Variants in PTBP1 observed in about 807,000 individuals in gnomAD.
The protein encoded by PTBP1 is polypyrimidine tract-binding protein 1.
In PTBP1, 8 loss-of-function variants were observed where a neutral mutation model predicts 59.8. That is an observed-to-expected ratio of 0.13 (90% confidence interval 0.08 to 0.24). The LOEUF (loss-of-function observed/expected upper bound fraction) is 0.24, where lower values mean the gene tolerates loss of function less well. Among genes scored for constraint, PTBP1 ranks in the 10% least tolerant of loss-of-function variants. The probability of loss-of-function intolerance (pLI) is 1.00; values close to 1 mark genes in which losing one functional copy is unlikely to be tolerated. For synonymous variants in PTBP1, 490 were observed against 320.7 expected, an observed-to-expected ratio of 1.53 and a Z score of -5.64; for missense variants, 686 against 767.0, an observed-to-expected ratio of 0.89 and a Z score of 1.25.
chr19:803,585 A>G lies in PTBP1; in HGVS notation c.64A>G (p.Thr22Ala), dbSNP rs2034431954. ...TKRGSDELFS[T>A]CVTNGPFIMS... ...GCGGGGATCTGACGAGCTTTTCTCT[A>G]CTTGTGTCACTAACGGACCGTTTAT... Residue 22 changes from threonine (T) to alanine (A), a missense_variant, in exon 3 of 15, where the codon ACT becomes GCT. Thr to Ala is a moderately conservative substitution (Grantham distance 58). Transcript: ENST00000356948. 4 of 1,614,006 alleles carry G rather than the reference A, an allele frequency of 2.5e-6. No individual in the cohort carries two copies. The highest frequency in any genetic ancestry group is 1.6e-4 in the Middle Eastern group (1 of 6,062).
Position 806,524 on chromosome 19 carries a change from T to G in PTBP1, c.1087T>G (p.Ser363Ala). The G allele has an allele frequency of 6.4e-7, 1 of 1,556,232 alleles. No homozygotes were observed. The highest frequency in any genetic ancestry group is 8.7e-7 in the Non-Finnish European group (1 of 1,153,672). ...CCCGGGCCTGGCGGGGGCAGGAAAT[T>G]CTGTATTGCTGGTCAGCAACCTCAA... ...AIPGLAGAGN[S>A]VLLVSNLNPE... Residue 363 changes from serine (S) to alanine (A), a missense_variant, in exon 10 of 15, where the codon TCT becomes GCT. Ser to Ala is a moderately conservative substitution (Grantham distance 99). Transcript: ENST00000356948.
chr19:803,978 C>G, intron 3 of PTBP1, 58 bp from the exon 4 acceptor site: 1 of 1,599,976 alleles, frequency 6.3e-7, no homozygotes, highest in South Asian at 1.1e-5. Context: ...ATAGCAGGGA[C>G]CTTCCTCTGT....
Position 811,076 on chromosome 19 carries a change from C to G in PTBP1, c.*250C>G, listed in dbSNP as rs1345800315. 3 of 407,162 alleles carry G rather than the reference C, an allele frequency of 7.4e-6. No homozygotes were observed. Among genetic ancestry groups the G allele is most frequent in the Admixed American group, 4.7e-5 (1 of 21,318 alleles). The allele number at this position is 407,162 out of a possible 1,614,324, so 25.2% of individuals were successfully genotyped here. ...GGCCCTCCACACCCGGGGCCAGACCCTCGGGGCCATGCCTTGGTGGGGCCT... is the reference window on the plus strand; with the variant it reads ...GGCCCTCCACACCCGGGGCCAGACCGTCGGGGCCATGCCTTGGTGGGGCCT... On this transcript the variant is annotated 3_prime_UTR_variant, in exon 15 of 15. Coordinates refer to ENST00000356948, the MANE Select transcript of PTBP1 (RefSeq NM_002819.5).
Position 805,624 on chromosome 19 carries a change from C to T in PTBP1, c.970+55C>T, listed in dbSNP as rs2034529594. The T allele has an allele frequency of 9.7e-6, 14 of 1,445,778 alleles. No homozygotes were observed. In the South Asian group the frequency reaches 1.3e-4, roughly 13 times the overall value. The allele number at this position is 1,445,778 out of a possible 1,614,324, so 89.6% of individuals were successfully genotyped here. A position where few individuals can be genotyped will look rare whatever the true frequency, so the allele number is the denominator to read the frequency against. ...GCGACTGCATGCCCACACCACCTTC[C>T]CAGGCAGCTCCGCATCCACGGCGGC... is the stretch of plus-strand genomic sequence containing the variant. On this transcript the variant is annotated intron_variant, in intron 9 of 14. Transcript: ENST00000356948.
intron 2 of PTBP1, among the ~76,000 whole-genome samples, chr19:799,804 C>T (rs2034251535): frequency 6.6e-6 from 1 of 152,180 alleles, no homozygotes; most frequent in Admixed American, 6.5e-5. Flanking sequence ...GCCTGGGAGA[C>T]TCTTGGTTTT....
At chr19:800,372 C>T (rs1023467880) in intron 2 of PTBP1, among the ~76,000 whole-genome samples, 14 of 152,202 alleles carry the variant, frequency 9.2e-5, no homozygotes, top group Admixed American at 7.8e-4. Flanking sequence ...GAGGCCAGGG[C>T]TCAGCATGTG....
Position 806,392 on chromosome 19 carries a change from C to T in PTBP1, c.971-16C>T, listed in dbSNP as rs373752293. The T allele has an allele frequency of 4.0e-5, 64 of 1,594,814 alleles. No homozygotes were observed. The highest frequency in any genetic ancestry group is 4.9e-5 in the Non-Finnish European group (57 of 1,171,766). On this transcript the variant is annotated splice_polypyrimidine_tract_variant and intron_variant, in intron 9 of 14. Coordinates refer to ENST00000356948, the MANE Select transcript of PTBP1 (RefSeq NM_002819.5). ...GTCGGGGGCGCCGCCGCTCATCTCA[C>T]CTCCTGCTTTTCCAGGCCTTTCCGT... is the stretch of plus-strand genomic sequence containing the variant.
chr19:799,949 A>G (rs2034258948), intron 2 of PTBP1, among the ~76,000 whole-genome samples: 1 of 151,790 alleles, frequency 6.6e-6, no homozygotes, highest in South Asian at 2.1e-4. Flanking sequence ...TATTTTTGAG[A>G]TGGAGTCTTG....
chr19:803,692 C>G (rs896975886), intron 3 of PTBP1, 56 bp downstream of exon 3: 2 of 1,465,544 alleles, frequency 1.4e-6, no homozygotes, highest in Non-Finnish European at 1.9e-6. Flanking sequence ...CCTGGAACAA[C>G]GTTACGTTCT....
At chr19:798,317 C>T (rs374062312) in intron 1 of PTBP1, 25 of 152,268 alleles carry the variant, frequency 1.6e-4, no homozygotes, top group East Asian at 1.4e-3. Flanking sequence ...AGGTGGGAGC[C>T]CCCTCCAGAA....
In PTBP1 at chr19:804,472, G is replaced by GC. The variant is rs2145045122; in HGVS notation, c.435+34_435+35insC. On this transcript the variant is annotated intron_variant, in intron 5 of 14. Transcript: ENST00000356948. ...CCCCGCGGCGGACCCCAGCAGCCCG[G>GC]GGACCTCGGGGGTGGGCCCAGCCGC... 11 of 1,598,228 alleles carry GC rather than the reference G, an allele frequency of 6.9e-6. No homozygotes were observed. In the South Asian group the frequency reaches 1.2e-4, roughly 18 times the overall value.
chr19:805,159 G>C lies in PTBP1; in HGVS notation c.864G>C (p.Ser288=). ...PDLPSGDSQP[S]LDQTMAAAFG... Reference sequence around the variant, plus strand: ...TGCCTTCCGGGGACAGCCAGCCCTCGCTGGACCAGACCATGGCCGCGGCCT... The same window carrying C: ...TGCCTTCCGGGGACAGCCAGCCCTCCCTGGACCAGACCATGGCCGCGGCCT... Residue 288 remains serine, a synonymous_variant, in exon 8 of 15, where the codon TCG becomes TCC. Transcript: ENST00000356948. The C allele has an allele frequency of 6.2e-7, 1 of 1,613,596 alleles. No homozygotes were observed. Among genetic ancestry groups the C allele is most frequent in the Admixed American group, 1.7e-5 (1 of 60,024 alleles).
At position 805,237 on chromosome 19, in the gene PTBP1, C is replaced by T; in HGVS notation, c.892+50C>T. ...CAGTGTGCAGAGTGGTCTATTAGGG[C>T]CGCTCAGTCCGGAGCCCCGGCGGCA... On this transcript the variant is annotated intron_variant, in intron 8 of 14. Coordinates refer to ENST00000356948, the MANE Select transcript of PTBP1 (RefSeq NM_002819.5). 2.5e-6 allele frequency: 4 copies of T among 1,593,348 alleles called. No individual in the cohort carries two copies. In the African/African-American group the frequency reaches 4.0e-5, roughly 16 times the overall value.
chr19:803,924 T>TG (rs1195148241), intron 3 of PTBP1, 112 bp from the exon 4 acceptor site: 2 of 1,296,872 alleles, frequency 1.5e-6, no homozygotes, highest in Non-Finnish European at 2.2e-6. Flanking sequence ...TGCACCCTCC[T>TG]GGGGCTCAGG....
In PTBP1 at chr19:806,787, G is replaced by T. The variant is rs2034601692; in HGVS notation, c.1119+231G>T. 13 of 461,654 alleles carry T rather than the reference G, an allele frequency of 2.8e-5. No individual in the cohort carries two copies. In the South Asian group the frequency reaches 5.7e-4, roughly 20 times the overall value. 28.6% of individuals were successfully genotyped at this position (461,654 alleles called of 1,614,324 possible). A position where few individuals can be genotyped will look rare whatever the true frequency, so the allele number is the denominator to read the frequency against. ...TTTTCTCTTGCATGATACGCAGAAT[G>T]AATTATTTTTTGGTTACCCAAAGGC... On this transcript the variant is annotated intron_variant, in intron 10 of 14. Coordinates refer to ENST00000356948, the MANE Select transcript of PTBP1 (RefSeq NM_002819.5).
rs370747866 is a variant in PTBP1 at position 797,464 on chromosome 19, C to A, written c.-34C>A. 1 of 1,598,464 alleles carries A rather than the reference C, an allele frequency of 6.3e-7. No homozygotes were observed. Among genetic ancestry groups the A allele is most frequent in the South Asian group, 1.1e-5 (1 of 90,022 alleles). On this transcript the variant is annotated 5_prime_UTR_variant, in exon 1 of 15. Transcript: ENST00000356948. ...GTCGGTTCCTGCTATTCCGGCGCCTCCACTCCGTCCCCCGCGGGTCTGCTC... is the reference window on the plus strand; with the variant it reads ...GTCGGTTCCTGCTATTCCGGCGCCTACACTCCGTCCCCCGCGGGTCTGCTC...
In PTBP1 at chr19:804,138, G is replaced by A; in HGVS notation, c.218G>A (p.Gly73Glu). The stretch of plus-strand genomic sequence containing the variant: ...AAGCTCCCCATCGACGTCACGGAGG[G>A]GGAAGTCATCTCCCTGGGGCTGCCC... The part of the protein sequence containing the change: ...IRKLPIDVTE[G>E]EVISLGLPFG... Residue 73 changes from glycine (G) to glutamate (E), a missense_variant, in exon 4 of 15, where the codon GGG (glycine) becomes GAG (glutamate). Gly to Glu is a moderately conservative substitution (Grantham distance 98). Coordinates refer to ENST00000356948, the MANE Select transcript of PTBP1 (RefSeq NM_002819.5). 6.2e-7 allele frequency: 1 copy of A among 1,613,874 alleles called. No individual in the cohort carries two copies. The highest frequency in any genetic ancestry group is 8.5e-7 in the Non-Finnish European group (1 of 1,179,860).
chr19:801,923 C>T (rs1051987879), intron 2 of PTBP1, among the ~76,000 whole-genome samples: 1 of 152,170 alleles, frequency 6.6e-6, no homozygotes, highest in African/African-American at 2.4e-5. Flanking sequence ...CAGTATTTGG[C>T]TTCATCTGTG....
chr19:802,832 C>G (rs558458907), intron 2 of PTBP1, among the ~76,000 whole-genome samples: 1 of 152,312 alleles, frequency 6.6e-6, no homozygotes, highest in African/African-American at 2.4e-5. Context: ...GAAGTTGATC[C>G]AATTACATAG....
Sources: gnomAD v4.1 joint callset for allele counts (sites outside exome capture counted in the v4.1 genomes callset) on GRCh38, gnomAD v4.1.1 for gene constraint, MANE v1.5 for transcripts, NCBI Gene and HGNC (gene_info 2026-07-23, HGNC 2026-07-21) for gene names.